Variants in SLC30A8 observed in about 807,000 individuals in gnomAD.
SLC30A8 encodes the protein solute carrier family 30 member 8.
Under a neutral mutation model 36.9 loss-of-function variants are expected in SLC30A8, and 27 were observed. The observed-to-expected ratio is 0.73, with a 90% CI of 0.54 to 1.01. SLC30A8 has a LOEUF of 1.01. Ranked by LOEUF, SLC30A8 falls within the 50% of genes least tolerant of loss-of-function variation. SLC30A8 has a pLI of 0.00. For synonymous variants in SLC30A8, 164 were observed against 172.4 expected (o/e 0.95, Z 0.38); for missense variants, 439 against 452.0 (o/e 0.97, Z 0.26).
At chr8:117,021,951 C>T (rs984467856) in intron 1 of SLC30A8, among the ~76,000 whole-genome samples, 1 of 149,164 alleles carries the variant, frequency 6.7e-6, no homozygotes, top group Non-Finnish European at 1.5e-5. Flanking sequence ...ATTGGATAGT[C>T]ATATGGGAGA....
At chr8:117,098,302 A>G (rs1470171928) in intron 2 of SLC30A8, among the ~76,000 whole-genome samples, 1 of 151,854 alleles carries the variant, frequency 6.6e-6, no homozygotes, top group Non-Finnish European at 1.5e-5. Context: ...ATATAAGGCC[A>G]AAGACATGCA....
At chr8:116,978,286 CTGAA>C (rs931594709) in intron 1 of SLC30A8, among the ~76,000 whole-genome samples, 4 of 151,932 alleles carry the variant, frequency 2.6e-5, no homozygotes, top group East Asian at 1.9e-4. Context: ...TGTTGACTGA[CTGAA>C]TGAGGAATAG....
chr8:117,154,216 C>G (rs1252316284), intron 3 of SLC30A8, among the ~76,000 whole-genome samples: 23 of 152,120 alleles, frequency 1.5e-4, no homozygotes, highest in Admixed American at 1.5e-3. Flanking sequence ...AGGGTTTTTA[C>G]TTTGACTCAT....
rs577097809 is a variant in SLC30A8, at chr8:116,955,923, T to C, written c.-266+4804T>C. Reference sequence around the variant, plus strand: ...AAAAAATTTCTCTCGTTTTGAGCCATCCAGTTTGTGGCAATTTGTTATGGC... The same window carrying C: ...AAAAAATTTCTCTCGTTTTGAGCCACCCAGTTTGTGGCAATTTGTTATGGC... On this transcript the variant is annotated intron_variant, in intron 1 of 10. Coordinates refer to the SLC30A8 transcript ENST00000427715. Among the ~76,000 whole-genome samples, 11 of 152,104 alleles carry C rather than the reference T, an allele frequency of 7.2e-5. No individual in the cohort carries two copies. In the East Asian group the frequency reaches 1.7e-3, roughly 24 times the overall value.
intron 2 of SLC30A8, among the ~76,000 whole-genome samples, chr8:117,077,197 A>G (rs1162885058): frequency 6.6e-6 from 1 of 152,194 alleles, no homozygotes; most frequent in Non-Finnish European, 1.5e-5. Context: ...TATTCACCCA[A>G]TAAAGGTGAT....
intron 1 of SLC30A8, among the ~76,000 whole-genome samples, chr8:117,031,233 T>G (rs984456504): frequency 2.0e-5 from 3 of 152,184 alleles, no homozygotes; most frequent in Non-Finnish European, 4.4e-5. Flanking sequence ...TTTTGGTCAT[T>G]TAATCTTCCC....
intron 1 of SLC30A8, among the ~76,000 whole-genome samples, chr8:116,999,569 G>A (rs186138375): frequency 1.3e-5 from 2 of 152,272 alleles, no homozygotes; most frequent in African/African-American, 2.4e-5. Flanking sequence ...AAGAAAACTA[G>A]CATTAAGAAA....
chr8:117,133,306 A>C (rs1327732243), upstream of SLC30A8, among the ~76,000 whole-genome samples: 3 of 151,866 alleles, frequency 2.0e-5, no homozygotes, highest in East Asian at 5.8e-4. Context: ...CATCAACCCC[A>C]TCCTACTCTC....
chr8:117,153,917 G>A (rs1196470546), intron 3 of SLC30A8, among the ~76,000 whole-genome samples: 1 of 152,134 alleles, frequency 6.6e-6, no homozygotes, highest in Non-Finnish European at 1.5e-5. Flanking sequence ...TTAAGAAAGG[G>A]AGAGAAGAAG....
chr8:116,969,820 G>A (rs574065315), intron 1 of SLC30A8, among the ~76,000 whole-genome samples: 1 of 152,242 alleles, frequency 6.6e-6, no homozygotes, highest in Admixed American at 6.5e-5. Flanking sequence ...ACCATGAATG[G>A]AGCTTGCAGG....
At chr8:117,138,903 T>C (rs1282988209) in intron 1 of SLC30A8, among the ~76,000 whole-genome samples, 1 of 152,024 alleles carries the variant, frequency 6.6e-6, no homozygotes, top group Non-Finnish European at 1.5e-5. Context: ...GCTATGTATC[T>C]TTCCCTTAGA....
chr8:117,095,556 T>C (rs1819325240), intron 2 of SLC30A8, among the ~76,000 whole-genome samples: 1 of 152,078 alleles, frequency 6.6e-6, no homozygotes, highest in South Asian at 2.1e-4. Context: ...TTTGCTCATC[T>C]CCCAAACGGA....
chr8:117,149,322 G>A (rs1041303774), intron 2 of SLC30A8, among the ~76,000 whole-genome samples: 49 of 152,174 alleles, frequency 3.2e-4, no homozygotes, highest in African/African-American at 1.1e-3. Flanking sequence ...TATGATCTTT[G>A]CATTTTTGGC....
At chr8:117,045,655 G>A (rs1443768150) in intron 2 of SLC30A8, among the ~76,000 whole-genome samples, 1 of 152,188 alleles carries the variant, frequency 6.6e-6, no homozygotes, top group Non-Finnish European at 1.5e-5. Context: ...TGACCTAGGT[G>A]GGCTGACTCC....
intron 1 of SLC30A8, among the ~76,000 whole-genome samples, chr8:117,033,074 G>T (rs899198528): frequency 2.0e-5 from 3 of 152,210 alleles, no homozygotes; most frequent in East Asian, 3.9e-4. Context: ...AAAGTAATTT[G>T]GTCCAGACTC....
At chr8:116,977,787 GGT>G (rs1246782437) in intron 1 of SLC30A8, among the ~76,000 whole-genome samples, 1 of 152,132 alleles carries the variant, frequency 6.6e-6, no homozygotes, top group Admixed American at 6.5e-5. Context: ...TGGGATTACA[GGT>G]GTGAGCCACC....
At chr8:117,040,231 A>G (rs955740720) in intron 2 of SLC30A8, among the ~76,000 whole-genome samples, 2 of 152,222 alleles carry the variant, frequency 1.3e-5, no homozygotes, top group African/African-American at 4.8e-5. Context: ...TTGCGACCTA[A>G]CAATAGGGTT....
At chr8:116,954,316 A>C (rs1814110020) in intron 1 of SLC30A8, among the ~76,000 whole-genome samples, 1 of 152,170 alleles carries the variant, frequency 6.6e-6, no homozygotes. Context: ...CAAATAGGCA[A>C]TATTAAATGG....
intron 3 of SLC30A8, among the ~76,000 whole-genome samples, chr8:117,154,285 TCTC>T (rs1822359855): frequency 6.6e-6 from 1 of 151,996 alleles, no homozygotes; most frequent in African/African-American, 2.4e-5. Flanking sequence ...CTTCAATTCT[TCTC>T]CTCTGTGTTA....
Sources: gnomAD v4.1 joint callset for allele counts (sites outside exome capture counted in the v4.1 genomes callset) on GRCh38, gnomAD v4.1.1 for gene constraint, MANE v1.5 for transcripts, NCBI Gene and HGNC (gene_info 2026-07-23, HGNC 2026-07-21) for gene names.